The following CNNM1 variants were observed in gnomAD, a reference collection of about 807,000 sequenced individuals.
CNNM1 encodes the protein metal transporter CNNM1.
CNNM1 carries 44 observed loss-of-function variants against 78.8 expected under a neutral mutation model. The observed-to-expected ratio is 0.56, with a 90% CI of 0.44 to 0.72. The LOEUF is 0.72. Among genes scored for constraint, CNNM1 ranks in the 30% least tolerant of loss-of-function variants. CNNM1 has a pLI of 0.00. For synonymous variants in CNNM1, 584 were observed against 581.5 expected, an observed-to-expected ratio of 1.00 and a Z score of -0.06; for missense variants, 1,101 against 1,292.2, an observed-to-expected ratio of 0.85 and a Z score of 2.27.
chr10:99,391,881 T>TC lies in CNNM1; in HGVS notation c.*366dup, dbSNP rs1457172303. The TC allele has an allele frequency of 5.0e-6, 1 of 198,760 alleles. No homozygotes were observed. Among genetic ancestry groups the TC allele is most frequent in the Non-Finnish European group, 1.0e-5 (1 of 96,724 alleles). The allele number at this position is 198,760 out of a possible 1,614,324, so 12.3% of individuals were successfully genotyped here. On this transcript the variant is annotated 3_prime_UTR_variant, in exon 11 of 11. Transcript: ENST00000356713. ...GTCCCCTGATGCCATAGGAGACCTA[T>TC]CGTCTTGGAACTTGCCATTCTTTCC...
At chr10:99,358,045 C>G (rs1056733650) in intron 2 of CNNM1, among the ~76,000 whole-genome samples, 1 of 152,196 alleles carries the variant, frequency 6.6e-6, no homozygotes, top group African/African-American at 2.4e-5. Flanking sequence ...CAGACCCCAA[C>G]AGGGGTTCCA....
chr10:99,370,611 G>A (rs1431703142), intron 6 of CNNM1, among the ~76,000 whole-genome samples: 1 of 152,148 alleles, frequency 6.6e-6, no homozygotes, highest in East Asian at 1.9e-4. Flanking sequence ...GTAACTTCTG[G>A]CCCTGTAAGC....
intron 1 of CNNM1, among the ~76,000 whole-genome samples, chr10:99,356,572 GAAA>G (rs1564947207): frequency 8.7e-6 from 1 of 115,202 alleles, no homozygotes; most frequent in Non-Finnish European, 1.8e-5. Context: ...CAGAAAGAAA[GAAA>G]GAAAGAAAGA....
At chr10:99,348,703 G>A (rs373145948) in intron 1 of CNNM1, among the ~76,000 whole-genome samples, 2 of 152,192 alleles carry the variant, frequency 1.3e-5, no homozygotes, top group East Asian at 1.9e-4. Context: ...TTGGGTAAGT[G>A]ATTTTGACAA....
intron 1 of CNNM1, among the ~76,000 whole-genome samples, chr10:99,347,508 A>C (rs916881858): frequency 1.3e-5 from 2 of 151,928 alleles, no homozygotes; most frequent in Non-Finnish European, 2.9e-5. Flanking sequence ...GGACAGAGCA[A>C]GATTCTGTCT....
intron 7 of CNNM1, among the ~76,000 whole-genome samples, chr10:99,381,345 C>T (rs752080605): frequency 3.2e-4 from 46 of 145,350 alleles, no homozygotes; most frequent in African/African-American, 1.1e-3. Flanking sequence ...ACCCAGGACA[C>T]GGAGGTTGTA....
At chr10:99,351,358 A>T (rs2030939560) in intron 1 of CNNM1, among the ~76,000 whole-genome samples, 1 of 152,172 alleles carries the variant, frequency 6.6e-6, no homozygotes, top group African/African-American at 2.4e-5. Context: ...TGCCCACTTT[A>T]CCACATATGC....
At chr10:99,354,992 T>C (rs1373038034) in intron 1 of CNNM1, among the ~76,000 whole-genome samples, 1 of 152,168 alleles carries the variant, frequency 6.6e-6, no homozygotes. Context: ...GAGACCATTC[T>C]TGGGTGATAC....
At chr10:99,354,378 CA>C (rs2134037406) in intron 1 of CNNM1, among the ~76,000 whole-genome samples, 1 of 152,178 alleles carries the variant, frequency 6.6e-6, no homozygotes, top group East Asian at 1.9e-4. Flanking sequence ...TATATTTTAT[CA>C]AAAAATAAAG....
At chr10:99,378,971 G>T (rs891767744) in intron 7 of CNNM1, among the ~76,000 whole-genome samples, 1 of 152,220 alleles carries the variant, frequency 6.6e-6, no homozygotes, top group African/African-American at 2.4e-5. Flanking sequence ...TGACAAGGAG[G>T]TTAAACCTTA....
chr10:99,379,910 A>G (rs1473759299), intron 7 of CNNM1, among the ~76,000 whole-genome samples: 1 of 152,116 alleles, frequency 6.6e-6, no homozygotes, highest in African/African-American at 2.4e-5. Context: ...GAAGTCCAAT[A>G]TCAAGGTGCC....
chr10:99,364,821 C>A, intron 5 of CNNM1, 134 bp from the exon 6 acceptor site: 1 of 806,314 alleles, frequency 1.2e-6, no homozygotes, highest in Non-Finnish European at 2.0e-6. Context: ...TATACTTGTT[C>A]CCTACCCTTC....
chr10:99,394,246 A>G lies in CNNM1; in HGVS notation c.*2730A>G, dbSNP rs1374937312. ...TCTTCAGGTTAAAAAAAAAGTTTAAAAAAAAGATTTTAAAATAAAGCATTT... is the reference window on the plus strand; with the variant it reads ...TCTTCAGGTTAAAAAAAAAGTTTAAGAAAAAGATTTTAAAATAAAGCATTT... On this transcript the variant is annotated 3_prime_UTR_variant, in exon 11 of 11. Coordinates refer to ENST00000356713, the MANE Select transcript of CNNM1 (RefSeq NM_020348.3). The G allele has an allele frequency of 2.6e-5, 4 of 152,514 alleles. No homozygotes were observed. The highest frequency in any genetic ancestry group is 9.6e-5 in the African/African-American group (4 of 41,460). 9.4% of individuals were successfully genotyped at this position (152,514 alleles called of 1,614,324 possible).
intron 7 of CNNM1, among the ~76,000 whole-genome samples, chr10:99,380,505 G>A (rs944242633): frequency 1.1e-4 from 17 of 152,186 alleles, no homozygotes; most frequent in South Asian, 4.1e-4. Context: ...AAAACTTGCC[G>A]ATGGGCTGGG....
At chr10:99,349,458 G>A (rs1340067604) in intron 1 of CNNM1, among the ~76,000 whole-genome samples, 1 of 152,136 alleles carries the variant, frequency 6.6e-6, no homozygotes, top group Non-Finnish European at 1.5e-5. Context: ...ATAAGGGTGG[G>A]AAGAGAAGTA....
Position 99,330,359 on chromosome 10 carries a change from G to C in CNNM1, c.972G>C (p.Pro324=), listed in dbSNP as rs773055975. 1.4e-5 allele frequency: 23 copies of C among 1,599,524 alleles called. No individual in the cohort carries two copies. The highest frequency in any genetic ancestry group is 2.0e-5 in the Non-Finnish European group (23 of 1,174,236). The change falls in exon 1 of 11, where the codon CCG becomes CCC. Residue 324 remains proline, a synonymous_variant. Coordinates refer to ENST00000356713, the MANE Select transcript of CNNM1 (RefSeq NM_020348.3). ...EDYSEEGIHF[P]WLPALVCTGA... The stretch of plus-strand genomic sequence containing the variant: ...ACAGCGAAGAGGGGATCCACTTCCC[G>C]TGGCTGCCGGCGCTCGTGTGCACCG...
chr10:99,381,387 G>A (rs535265238), intron 7 of CNNM1, among the ~76,000 whole-genome samples: 1 of 144,752 alleles, frequency 6.9e-6, no homozygotes, highest in Admixed American at 7.0e-5. Context: ...CCACCTGAGC[G>A]GCAAGAGTGA....
chr10:99,369,877 T>A (rs1386078950), intron 6 of CNNM1, among the ~76,000 whole-genome samples: 1 of 152,200 alleles, frequency 6.6e-6, no homozygotes, highest in African/African-American at 2.4e-5. Flanking sequence ...GACCACTTGA[T>A]GGACCTTCAA....
At chr10:99,370,475 C>T (rs2031762904) in intron 6 of CNNM1, among the ~76,000 whole-genome samples, 2 of 152,168 alleles carry the variant, frequency 1.3e-5, no homozygotes, top group Admixed American at 1.3e-4. Flanking sequence ...ACTGTGCCTT[C>T]CCAGTGATCA....
Sources: allele counts gnomAD v4.1 joint callset (sites outside exome capture counted in the v4.1 genomes callset), GRCh38; gene constraint gnomAD v4.1.1; transcripts MANE v1.5; gene names NCBI Gene and HGNC (gene_info 2026-07-23, HGNC 2026-07-21).